The following ITPR1 variants were observed in gnomAD, a reference collection of about 807,000 sequenced individuals.
ITPR1 encodes inositol 1,4,5-trisphosphate-gated calcium channel ITPR1.
In ITPR1, 96 loss-of-function variants were observed where a neutral mutation model predicts 318.4. That is an observed-to-expected ratio of 0.30 (90% CI 0.26 to 0.36). ITPR1 has a LOEUF of 0.36. ITPR1 is among the 10% of genes least tolerant of loss of function. ITPR1 has a pLI of 1.00. For missense variants in ITPR1, 2,440 were observed against 3,460.2 expected, an observed-to-expected ratio of 0.71 and a Z score of 7.40; for synonymous variants, 1,312 against 1,289.9, an observed-to-expected ratio of 1.02 and a Z score of -0.37.
At chr3:4,623,054 C>T (rs569712632) in intron 4 of ITPR1, among the ~76,000 whole-genome samples, 80 of 152,310 alleles carry the variant, frequency 5.3e-4, no homozygotes, top group African/African-American at 1.8e-3. Flanking sequence ...CTCTGAAGGT[C>T]GGCTGACTTT....
intron 4 of ITPR1, among the ~76,000 whole-genome samples, chr3:4,625,619 T>C (rs899610797): frequency 4.0e-5 from 6 of 151,840 alleles, no homozygotes; most frequent in African/African-American, 1.5e-4. Flanking sequence ...TGCAGTGGTG[T>C]GATCTCGGCT....
chr3:4,554,481 T>C (rs1457011496), intron 4 of ITPR1, among the ~76,000 whole-genome samples: 1 of 152,204 alleles, frequency 6.6e-6, no homozygotes, highest in African/African-American at 2.4e-5. Context: ...TTTTTGATGC[T>C]GGCTATGTGC....
Position 4,611,241 on chromosome 3 carries a change from AAC to A in ITPR1, c.164-16520_164-16519del, listed in dbSNP as rs1223770167. ...AAAACCTCATCTCTACAAAAAAAAAAACAAAAAAAAAACTATATATGTACAAA... is the reference window on the plus strand; with the variant it reads ...AAAACCTCATCTCTACAAAAAAAAAAAAAAAAAAAACTATATATGTACAAA... On this transcript the variant is annotated intron_variant, in intron 4 of 61. Coordinates refer to ENST00000649015, the MANE Select transcript of ITPR1 (RefSeq NM_001378452.1). 4.3e-3 allele frequency among the ~76,000 whole-genome samples: 634 copies of A among 147,158 alleles called. 24 individuals are homozygous for A. The East Asian group carries it at 0.078, about 18-fold the overall frequency.
At chr3:4,542,177 T>C (rs529159879) in intron 4 of ITPR1, among the ~76,000 whole-genome samples, 39 of 152,214 alleles carry the variant, frequency 2.6e-4, no homozygotes, top group Non-Finnish European at 4.9e-4. Context: ...AAAGCACACT[T>C]TAAATATATT....
intron 4 of ITPR1, among the ~76,000 whole-genome samples, chr3:4,524,150 C>T (rs1188134988): frequency 6.6e-6 from 1 of 152,210 alleles, no homozygotes; most frequent in Non-Finnish European, 1.5e-5. Context: ...AACCAGAGGT[C>T]CCCTGCACCC....
chr3:4,757,650 C>T (rs1575142864), intron 44 of ITPR1, among the ~76,000 whole-genome samples: 2 of 152,258 alleles, frequency 1.3e-5, no homozygotes, highest in East Asian at 1.9e-4. Flanking sequence ...CTTCTTGGGG[C>T]CTCAGTTTCT....
At chr3:4,815,524 AAC>A (rs1424703898) in intron 59 of ITPR1, among the ~76,000 whole-genome samples, 1 of 152,208 alleles carries the variant, frequency 6.6e-6, no homozygotes, top group Non-Finnish European at 1.5e-5. Context: ...TGGGTACAAT[AAC>A]ATGTCCTTCT....
At chr3:4,595,481 T>A (rs1255172108) in intron 4 of ITPR1, among the ~76,000 whole-genome samples, 1 of 152,222 alleles carries the variant, frequency 6.6e-6, no homozygotes, top group Non-Finnish European at 1.5e-5. Flanking sequence ...CCACCAGGTC[T>A]CACCTCCAAC....
intron 10 of ITPR1, among the ~76,000 whole-genome samples, chr3:4,651,236 G>T (rs1236690742): frequency 6.6e-6 from 1 of 152,174 alleles, no homozygotes; most frequent in African/African-American, 2.4e-5. Flanking sequence ...TTATGCATAT[G>T]CAGTCTGATG....
chr3:4,828,646 C>G (rs1241601537), intron 60 of ITPR1, among the ~76,000 whole-genome samples: 2 of 152,174 alleles, frequency 1.3e-5, no homozygotes, highest in Admixed American at 6.5e-5. Flanking sequence ...CCCAGAATGA[C>G]TTGAAAGGAT....
intron 2 of ITPR1, among the ~76,000 whole-genome samples, chr3:4,501,984 A>G (rs534482899): frequency 1.6e-4 from 24 of 152,218 alleles, no homozygotes; most frequent in Non-Finnish European, 2.9e-4. Flanking sequence ...CTAGTCTCCA[A>G]GTTTCTTGCT....
chr3:4,811,268 T>C lies in ITPR1; in HGVS notation c.7276T>C (p.Phe2426Leu). 6.4e-7 allele frequency: 1 copy of C among 1,552,132 alleles called. No homozygotes were observed. Among genetic ancestry groups the C allele is most frequent in the Non-Finnish European group, 8.7e-7 (1 of 1,151,078 alleles). Reference sequence around the variant, plus strand: ...TTCTTTTTGTTTGTTTTCAAAGCTTTTTGATTTAGTGTACAGAGAAGAGAC... The same window carrying C: ...TTCTTTTTGTTTGTTTTCAAAGCTTCTTGATTTAGTGTACAGAGAAGAGAC... ...VHEFFYSLLLFDLVYREETLL... is the reference protein window; with the variant it reads ...VHEFFYSLLLLDLVYREETLL... Residue 2426 changes from phenylalanine (F) to leucine (L), a missense_variant, in exon 56 of 62, where the codon TTT (phenylalanine) becomes CTT (leucine). By Grantham distance (22) the Phe-to-Leu change is conservative. Transcript: ENST00000649015.
chr3:4,611,622 G>T (rs61496942), intron 4 of ITPR1, among the ~76,000 whole-genome samples: 3,209 of 150,270 alleles, frequency 0.021, 111 homozygotes, highest in African/African-American at 0.074. Context: ...GCATGTGCGT[G>T]TAGTTCCAGG....
At chr3:4,734,511 C>G (rs73095829) in intron 43 of ITPR1, among the ~76,000 whole-genome samples, 1 of 152,178 alleles carries the variant, frequency 6.6e-6, no homozygotes, top group Non-Finnish European at 1.5e-5. Flanking sequence ...TCTCCATGTG[C>G]GTTCATGGTT....
chr3:4,667,423 A>G lies in ITPR1; in HGVS notation c.1760A>G (p.Tyr587Cys), dbSNP rs757318302. 5.0e-6 allele frequency: 8 copies of G among 1,613,200 alleles called. No individual in the cohort carries two copies. The highest frequency in any genetic ancestry group is 6.8e-6 in the Non-Finnish European group (8 of 1,179,566). Residue 587 changes from tyrosine to cysteine, a missense_variant, in exon 18 of 62, where the codon TAT becomes TGT. Transcript: ENST00000649015. The stretch of plus-strand genomic sequence containing the variant: ...GGCTTCATGCAGAAGCAGATTGGCT[A>G]TGATGTGTTGGCTGAAGACACTATC... ...QFGFMQKQIGYDVLAEDTITA... is the reference protein window; with the variant it reads ...QFGFMQKQIGCDVLAEDTITA...
At chr3:4,737,368 CT>C (rs1035999698) in intron 44 of ITPR1, among the ~76,000 whole-genome samples, 60 of 152,132 alleles carry the variant, frequency 3.9e-4, no homozygotes, top group African/African-American at 1.4e-3. Context: ...TGCAGACGGT[CT>C]GTGGATGAAA....
At chr3:4,586,263 C>T (rs967065262) in intron 4 of ITPR1, among the ~76,000 whole-genome samples, 1 of 152,072 alleles carries the variant, frequency 6.6e-6, no homozygotes, top group African/African-American at 2.4e-5. Context: ...TTTTGTTGCA[C>T]CTGTTCTGTT....
At position 4,698,887 on chromosome 3, in the gene ITPR1, A is replaced by G. The variant is rs116248305; in HGVS notation, c.4408-926A>G. Reference sequence around the variant, plus strand: ...TTTAAAAAATGTGCTAACCCTCTCAATGGCAAATCTTATTCTAGGCAGCAG... The same window carrying G: ...TTTAAAAAATGTGCTAACCCTCTCAGTGGCAAATCTTATTCTAGGCAGCAG... On this transcript the variant is annotated intron_variant, in intron 34 of 61. Coordinates refer to ENST00000649015, the MANE Select transcript of ITPR1 (RefSeq NM_001378452.1). Among the ~76,000 whole-genome samples the G allele has an allele frequency of 7.4e-4, 112 of 152,354 alleles. 1 individual carries two copies. Among genetic ancestry groups the G allele is most frequent in the Middle Eastern group, 3.4e-3 (1 of 294 alleles).
At chr3:4,679,952 C>A (rs1428261792) in intron 24 of ITPR1, among the ~76,000 whole-genome samples, 1 of 152,060 alleles carries the variant, frequency 6.6e-6, no homozygotes, top group Admixed American at 6.6e-5. Context: ...TGAGTGAGAT[C>A]CCTACATGAT....
Sources: allele counts gnomAD v4.1 joint callset (sites outside exome capture counted in the v4.1 genomes callset), GRCh38; gene constraint gnomAD v4.1.1; transcripts MANE v1.5; gene names NCBI Gene and HGNC (gene_info 2026-07-23, HGNC 2026-07-21).